The following DMD variants were observed in gnomAD, a reference collection of about 807,000 sequenced individuals.
DMD encodes mutant dystrophin.
In DMD, 63 loss-of-function variants were observed where a neutral mutation model predicts 330.1. The observed-to-expected ratio is 0.19, with a 90% CI of 0.16 to 0.24. DMD has a LOEUF of 0.24. Ranked by LOEUF, DMD falls within the 10% of genes least tolerant of loss-of-function variation. The pLI is 1.00. For synonymous variants in DMD, 1,223 were observed against 959.8 expected, an observed-to-expected ratio of 1.27 and a Z score of -5.07; for missense variants, 3,344 against 2,684.1, an observed-to-expected ratio of 1.25 and a Z score of -5.43.
intron 50 of DMD, among the ~76,000 whole-genome samples, chrX:31,775,240 A>G (rs1465424122): frequency 9.0e-6 from 1 of 111,610 alleles, no homozygotes; most frequent in East Asian, 2.8e-4. Flanking sequence ...CATCATCACA[A>G]TAATATTATT....
At chrX:32,735,092 A>G (rs964551110) in intron 7 of DMD, among the ~76,000 whole-genome samples, 37 of 110,128 alleles carry the variant, frequency 3.4e-4, no homozygotes, top group Admixed American at 8.7e-4. Context: ...TCAATGTACA[A>G]AAATCACAAG....
intron 30 of DMD, among the ~76,000 whole-genome samples, chrX:32,405,355 T>A (rs1223895687): frequency 2.7e-5 from 3 of 111,694 alleles, no homozygotes; most frequent in Non-Finnish European, 5.7e-5. Flanking sequence ...ATGTGTTTCT[T>A]TGCAGTCACA....
intron 1 of DMD, among the ~76,000 whole-genome samples, chrX:33,145,168 TG>T (rs1451109532): frequency 8.9e-6 from 1 of 112,280 alleles, no homozygotes; most frequent in African/African-American, 3.2e-5. Context: ...TGAGAAAACA[TG>T]GGAAGGCTCC....
chrX:32,596,826 C>T (rs747554670), intron 12 of DMD, among the ~76,000 whole-genome samples: 3 of 111,311 alleles, frequency 2.7e-5, no homozygotes, highest in Admixed American at 9.6e-5. Flanking sequence ...AGATTACAAA[C>T]GTGAGCCACT....
chrX:31,312,305 C>G (rs1292063214), intron 62 of DMD, among the ~76,000 whole-genome samples: 6 of 112,098 alleles, frequency 5.4e-5, no homozygotes, highest in African/African-American at 1.9e-4. Flanking sequence ...AGGATATGAA[C>G]AGACACTTCT....
chrX:31,431,052 G>T (rs1018776313), intron 60 of DMD, among the ~76,000 whole-genome samples: 4 of 109,493 alleles, frequency 3.7e-5, no homozygotes, highest in African/African-American at 1.3e-4. Context: ...CACCCGCCTC[G>T]GCCTCCCAAA....
intron 2 of DMD, among the ~76,000 whole-genome samples, chrX:32,925,337 C>T (rs2088903059): frequency 9.1e-6 from 1 of 109,366 alleles, no homozygotes; most frequent in South Asian, 3.9e-4. Context: ...CATTGTATTC[C>T]GGAAGACTTC....
chrX:32,746,956 A>T (rs1008997587), intron 7 of DMD, among the ~76,000 whole-genome samples: 1 of 111,892 alleles, frequency 8.9e-6, no homozygotes, highest in Non-Finnish European at 1.9e-5. Flanking sequence ...AAAACTTGTG[A>T]TATTTATCTC....
At chrX:32,678,865 A>G (rs2062158185) in intron 9 of DMD, among the ~76,000 whole-genome samples, 1 of 111,856 alleles carries the variant, frequency 8.9e-6, no homozygotes, top group South Asian at 3.7e-4. Context: ...AACTTTGGCA[A>G]TAAAACAGAT....
At chrX:32,552,035 A>G (rs1220613847) in intron 16 of DMD, among the ~76,000 whole-genome samples, 2 of 112,293 alleles carry the variant, frequency 1.8e-5, no homozygotes, top group Admixed American at 1.9e-4. Context: ...TATTGACAGA[A>G]TGGCCATAAT....
intron 44 of DMD, among the ~76,000 whole-genome samples, chrX:31,972,475 A>T (rs1184225783): frequency 8.9e-6 from 1 of 112,028 alleles, no homozygotes; most frequent in Non-Finnish European, 1.9e-5. Context: ...AGAATGTGAC[A>T]AATGAAGAAA....
intron 11 of DMD, among the ~76,000 whole-genome samples, chrX:32,626,294 C>A (rs1160471725): frequency 9.1e-6 from 1 of 110,369 alleles, no homozygotes; most frequent in Non-Finnish European, 1.9e-5. Flanking sequence ...AATAGAAACC[C>A]CATCTCTACT....
At chrX:32,744,833 C>G (rs1387594607) in intron 7 of DMD, among the ~76,000 whole-genome samples, 1 of 112,047 alleles carries the variant, frequency 8.9e-6, no homozygotes, top group Non-Finnish European at 1.9e-5. Flanking sequence ...CAATTTTTCT[C>G]AAATACGTAT....
chrX:32,192,419 A>G (rs1051177886), intron 44 of DMD, among the ~76,000 whole-genome samples: 1 of 111,967 alleles, frequency 8.9e-6, no homozygotes, highest in Admixed American at 9.5e-5. Flanking sequence ...AAAATAGCCA[A>G]TGAACAGAGA....
At chrX:32,729,681 G>T (rs2067304836) in intron 7 of DMD, among the ~76,000 whole-genome samples, 1 of 111,810 alleles carries the variant, frequency 8.9e-6, no homozygotes. Context: ...AGATGAAGAA[G>T]TGTATATTTG....
intron 44 of DMD, among the ~76,000 whole-genome samples, chrX:32,031,441 C>T (rs10126135): frequency 1.8e-5 from 2 of 109,896 alleles, no homozygotes; most frequent in African/African-American, 3.3e-5. Flanking sequence ...ATACCATTTG[C>T]GCTCCAGAGG....
At chrX:31,139,537 G>A (rs1425235254) in intron 76 of DMD, among the ~76,000 whole-genome samples, 1 of 109,469 alleles carries the variant, frequency 9.1e-6, no homozygotes, top group Non-Finnish European at 1.9e-5. Flanking sequence ...TGAAAGGAAT[G>A]AAATAATGGC....
chrX:32,816,773 A>G, intron 5 of DMD, 133 bp from the exon 6 acceptor site: 1 of 586,809 alleles, frequency 1.7e-6, no homozygotes, highest in Non-Finnish European at 2.8e-6. Flanking sequence ...GACATAATAG[A>G]TTCTACCAGA....
intron 1 of DMD, chrX:33,041,575 C>A (rs879232286): frequency 7.5e-6 from 9 of 1,207,022 alleles, no homozygotes; most frequent in African/African-American, 3.5e-5. Flanking sequence ...ACAAGAATCC[C>A]GGATGATGAT....
Sources: allele counts gnomAD v4.1 joint callset (sites outside exome capture counted in the v4.1 genomes callset), GRCh38; gene constraint gnomAD v4.1.1; transcripts MANE v1.5; gene names NCBI Gene and HGNC (gene_info 2026-07-23, HGNC 2026-07-21).